The following HABP4 variants were observed in gnomAD, a reference collection of about 807,000 sequenced individuals.
HABP4 encodes hyaluronan binding protein 4.
In HABP4, 32 loss-of-function variants were observed where a neutral mutation model predicts 44.1. The observed-to-expected ratio is 0.73, with a 90% confidence interval of 0.55 to 0.97. HABP4 has a LOEUF of 0.97. Among genes scored for constraint, HABP4 ranks in the 50% least tolerant of loss-of-function variants. The pLI is 0.00. For synonymous variants in HABP4, 216 were observed against 218.0 expected, an observed-to-expected ratio of 0.99 and a Z score of 0.08; for missense variants, 503 against 561.9, an observed-to-expected ratio of 0.90 and a Z score of 1.06.
At position 96,450,185 on chromosome 9, in the gene HABP4, T is replaced by TGGCGGCGGAGCG. The variant is rs1554723785; in HGVS notation, c.-88_-77dup. The TGGCGGCGGAGCG allele has an allele frequency of 8.5e-7, 1 of 1,175,272 alleles. No individual in the cohort carries two copies. Among genetic ancestry groups the TGGCGGCGGAGCG allele is most frequent in the Non-Finnish European group, 1.1e-6 (1 of 945,462 alleles). 72.8% of individuals were successfully genotyped at this position (1,175,272 alleles called of 1,614,324 possible). ...GGACAGGGTAGGGCCCGGAGGGCGG[T>TGGCGGCGGAGCG]GGCGGCGGAGCGGGCGGCATGGGTC... is the stretch of plus-strand genomic sequence containing the variant. On this transcript the variant is annotated 5_prime_UTR_variant, in exon 1 of 8. Coordinates refer to ENST00000375249, the MANE Select transcript of HABP4 (RefSeq NM_014282.4). The surrounding 1 kb of genome is among the most constrained non-coding windows in gnomAD (Gnocchi z 4.8).
Position 96,458,457 on chromosome 9 carries a change from C to T in HABP4, c.428C>T (p.Ala143Val). The change falls in exon 2 of 8, where the codon GCT becomes GTT. Residue 143 changes from alanine to valine, a missense_variant. Transcript: ENST00000375249. Reference sequence around the variant, plus strand: ...GGGCCGGAGGGGATGCTCGAAAGAGCTGAGCGGAGATCCTACAGGGAATAC... The same window carrying T: ...GGGCCGGAGGGGATGCTCGAAAGAGTTGAGCGGAGATCCTACAGGGAATAC... ...SRGPEGMLER[A>V]ERRSYREYRP... The T allele has an allele frequency of 6.2e-7, 1 of 1,613,100 alleles. No homozygotes were observed. The highest frequency in any genetic ancestry group is 8.5e-7 in the Non-Finnish European group (1 of 1,179,092).
chr9:96,453,351 G>A (rs898024793), intron 1 of HABP4, among the ~76,000 whole-genome samples: 72 of 152,102 alleles, frequency 4.7e-4, no homozygotes, highest in African/African-American at 1.7e-3. Context: ...TGGGATTACA[G>A]GTGTGAGCTA....
chr9:96,484,514 GA>G lies in HABP4; in HGVS notation c.881del (p.Asp294ValfsTer31). 1 of 1,582,462 alleles carries G rather than the reference GA, an allele frequency of 6.3e-7. No homozygotes were observed. Among genetic ancestry groups the G allele is most frequent in the Non-Finnish European group, 8.7e-7 (1 of 1,151,144 alleles). On this transcript the variant is annotated frameshift_variant, in exon 6 of 8. Transcript: ENST00000375249. LOFTEE classifies it high-confidence loss of function. ...AACCCAAGTTCAAGAGATGACTTTAGATGAGTGGAAAAATCTTCAAGAACAG... is the reference window on the plus strand; with the variant it reads ...AACCCAAGTTCAAGAGATGACTTTAGTGAGTGGAAAAATCTTCAAGAACAG... ...EETQVQEMTL[D>X]EWKNLQEQTR... is the part of the protein sequence containing the mutation.
intron 1 of HABP4, among the ~76,000 whole-genome samples, chr9:96,457,846 T>A (rs1435685547): frequency 6.6e-6 from 1 of 152,194 alleles, no homozygotes; most frequent in Non-Finnish European, 1.5e-5. Flanking sequence ...CACTTCGGGC[T>A]GGGTGACAGA....
At chr9:96,481,715 C>T (rs1275211126) in intron 5 of HABP4, among the ~76,000 whole-genome samples, 1 of 152,052 alleles carries the variant, frequency 6.6e-6, no homozygotes, top group Non-Finnish European at 1.5e-5. Context: ...CACTGTACTC[C>T]AGCCTGGCCA....
intron 2 of HABP4, among the ~76,000 whole-genome samples, 184 bp from the exon 3 acceptor site, chr9:96,465,153 G>A (rs1451382736): frequency 6.6e-6 from 1 of 152,188 alleles, no homozygotes; most frequent in Non-Finnish European, 1.5e-5. Flanking sequence ...TATATGTAAA[G>A]TGCTCAGAAC....
intron 5 of HABP4, chr9:96,484,216 T>TC: frequency 2.7e-6 from 1 of 368,422 alleles, no homozygotes; most frequent in South Asian, 4.4e-5. Flanking sequence ...ATCAGGATGG[T>TC]GATGTTCCCA....
chr9:96,489,279 C>G (rs1428865589), intron 7 of HABP4, among the ~76,000 whole-genome samples: 1 of 152,166 alleles, frequency 6.6e-6, no homozygotes, highest in East Asian at 1.9e-4. Flanking sequence ...TATAGCGGAG[C>G]TCTGTCCCCT....
intron 5 of HABP4, among the ~76,000 whole-genome samples, chr9:96,478,822 G>T (rs1587685937): frequency 6.6e-6 from 1 of 151,700 alleles, no homozygotes; most frequent in African/African-American, 2.4e-5. Flanking sequence ...GTAGAGATGG[G>T]GTCTCGTTTT....
At position 96,488,914 on chromosome 9, in the gene HABP4, T is replaced by A. The variant is rs1029439348; in HGVS notation, c.1185+640T>A. Among the ~76,000 whole-genome samples the A allele has an allele frequency of 6.6e-6, 1 of 152,216 alleles. No individual in the cohort carries two copies. The highest frequency in any genetic ancestry group is 2.4e-5 in the African/African-American group (1 of 41,464). On this transcript the variant is annotated intron_variant, in intron 7 of 7. Coordinates refer to ENST00000375249, the MANE Select transcript of HABP4 (RefSeq NM_014282.4). This position sits in a 1 kb window ranked among gnomAD's most constrained non-coding sequence, Gnocchi z 4.6. The stretch of plus-strand genomic sequence containing the variant: ...TCTCCGTGTGCGGCTGTATTCTCAC[T>A]GGTGTGGCTATCGGTCAGCGGCTGC...
chr9:96,461,778 A>G (rs1832503702), intron 2 of HABP4, among the ~76,000 whole-genome samples: 1 of 152,232 alleles, frequency 6.6e-6, no homozygotes, highest in Non-Finnish European at 1.5e-5. Flanking sequence ...TATAGGTATT[A>G]AAGAAACTCA....
At chr9:96,462,861 G>A (rs565593368) in intron 2 of HABP4, among the ~76,000 whole-genome samples, 1 of 152,236 alleles carries the variant, frequency 6.6e-6, no homozygotes, top group South Asian at 2.1e-4. Context: ...GATCAAGGCT[G>A]CAGTGAGCAG....
intron 2 of HABP4, among the ~76,000 whole-genome samples, chr9:96,462,680 C>G (rs76887969): frequency 0.053 from 7,974 of 151,846 alleles, 297 homozygotes; most frequent in Middle Eastern, 0.088. Context: ...AGTCCTAGCA[C>G]TTTGGGAGGC....
intron 4 of HABP4, 54 bp downstream of exon 4, chr9:96,465,832 G>T (rs1832591536): frequency 1.1e-6 from 1 of 936,318 alleles, no homozygotes; most frequent in Non-Finnish European, 1.8e-6. Context: ...GAAATCTCTG[G>T]ATCTTTGCTT....
intron 5 of HABP4, 51 bp downstream of exon 5, chr9:96,471,145 ATTTCT>A: frequency 1.1e-6 from 1 of 947,602 alleles, no homozygotes. Flanking sequence ...CTTCTTAATG[ATTTCT>A]TTTTTTTTTT....
chr9:96,467,464 C>T (rs1452903513), intron 4 of HABP4, among the ~76,000 whole-genome samples: 2 of 150,816 alleles, frequency 1.3e-5, no homozygotes, highest in East Asian at 1.9e-4. Flanking sequence ...GTAATATAGG[C>T]ACTTTCTTTC....
In HABP4 at chr9:96,488,271, G is replaced by T. The variant is rs781600852; in HGVS notation, c.1182G>T (p.Val394=). Residue 394 remains valine, a synonymous_variant, in exon 7 of 8, where the codon GTG becomes GTT. Transcript: ENST00000375249. The surrounding 1 kb of genome is among the most constrained non-coding windows in gnomAD (Gnocchi z 4.6). ...AGAACTATGGACCCAGAGCAGAAGT[G>T]GTGGTAGGTGTCTGTATTGACGGTT... The part of the protein sequence containing the change: ...RAENYGPRAE[V]VMQDVAPNPD... 1 of 1,608,494 alleles carries T rather than the reference G, an allele frequency of 6.2e-7. No individual in the cohort carries two copies. The highest frequency in any genetic ancestry group is 8.5e-7 in the Non-Finnish European group (1 of 1,176,646).
At position 96,450,410 on chromosome 9, in the gene HABP4, A is replaced by T. The variant is rs1194427852; in HGVS notation, c.131A>T (p.Glu44Val). ...DESDPFDILREAERRRQQQLQ... is the reference protein window; with the variant it reads ...DESDPFDILRVAERRRQQQLQ... ...TCGGACCCGTTCGACATCCTGCGCG[A>T]GGCCGAGCGCCGGCGCCAGCAGCAG... The change falls in exon 1 of 8, where the codon GAG (glutamate) becomes GTG (valine). Residue 44 changes from glutamate (E) to valine (V), a missense_variant. Coordinates refer to ENST00000375249, the MANE Select transcript of HABP4 (RefSeq NM_014282.4). This position sits in a 1 kb window ranked among gnomAD's most constrained non-coding sequence, Gnocchi z 4.8. 1 of 352,556 alleles carries T rather than the reference A, an allele frequency of 2.8e-6. No individual in the cohort carries two copies. The highest frequency in any genetic ancestry group is 5.3e-6 in the Non-Finnish European group (1 of 187,882). The allele number at this position is 352,556 out of a possible 1,614,324, so 21.8% of individuals were successfully genotyped here.
chr9:96,489,776 C>CT (rs974138140), intron 7 of HABP4, among the ~76,000 whole-genome samples: 3 of 152,192 alleles, frequency 2.0e-5, no homozygotes, highest in African/African-American at 7.2e-5. Flanking sequence ...GAGGCAGCTC[C>CT]TTTTTCGAGG....
Sources: gnomAD v4.1 joint callset for allele counts (sites outside exome capture counted in the v4.1 genomes callset) on GRCh38, gnomAD v4.1.1 for gene constraint, Gnocchi (gnomAD v3.1) non-coding constraint, MANE v1.5 for transcripts, NCBI Gene and HGNC (gene_info 2026-07-23, HGNC 2026-07-21) for gene names.